RNF4: variants seen among roughly 807,000 people sequenced by gnomAD.
The protein encoded by RNF4 is E3 ubiquitin-protein ligase RNF4.
A neutral mutation model predicts 24.3 loss-of-function variants in RNF4; 7 were observed. The ratio of observed to expected loss-of-function variants is 0.29; its 90% CI spans 0.16 to 0.54. The LOEUF is 0.54. RNF4 is among the 20% of genes least tolerant of loss of function. The probability of loss-of-function intolerance (pLI) is 0.95; values close to 1 mark genes in which losing one functional copy is unlikely to be tolerated. For missense variants in RNF4, 209 were observed against 248.5 expected (o/e 0.84, Z 1.07); for synonymous variants, 83 against 84.3 (o/e 0.98, Z 0.09).
intron 1 of RNF4, among the ~76,000 whole-genome samples, chr4:2,483,124 G>A (rs1735292822): frequency 1.3e-5 from 2 of 152,160 alleles, no homozygotes; most frequent in South Asian, 4.1e-4. Context: ...TTCCAGCTAG[G>A]ATATATGCTC....
intron 3 of RNF4, among the ~76,000 whole-genome samples, chr4:2,497,584 C>T (rs953810511): frequency 2.0e-5 from 3 of 152,142 alleles, no homozygotes; most frequent in Non-Finnish European, 2.9e-5. Flanking sequence ...AGTCCCTTTG[C>T]TCTGCATATA....
At position 2,512,933 on chromosome 4, in the gene RNF4, T is replaced by G. The variant is rs1195955259; in HGVS notation, c.375-150T>G. On this transcript the variant is annotated intron_variant, in intron 6 of 7. Coordinates refer to ENST00000314289, the MANE Select transcript of RNF4 (RefSeq NM_002938.5). This position sits in a 1 kb window ranked among gnomAD's most constrained non-coding sequence, Gnocchi z 4.1. Reference sequence around the variant, plus strand: ...CCCACATGCCCTTGGGGCAGTTGGCTTTCCTGAAAGTCTCTCGGATGCCCG... The same window carrying G: ...CCCACATGCCCTTGGGGCAGTTGGCGTTCCTGAAAGTCTCTCGGATGCCCG... The G allele has an allele frequency of 5.0e-6, 4 of 804,724 alleles. No homozygotes were observed. The highest frequency in any genetic ancestry group is 8.3e-6 in the Non-Finnish European group (4 of 482,416). 49.8% of individuals were successfully genotyped at this position (804,724 alleles called of 1,614,324 possible). A position where few individuals can be genotyped will look rare whatever the true frequency, so the allele number is the denominator to read the frequency against.
chr4:2,497,694 G>C (rs1364548792), intron 3 of RNF4, among the ~76,000 whole-genome samples: 2 of 152,140 alleles, frequency 1.3e-5, no homozygotes, highest in African/African-American at 4.8e-5. Flanking sequence ...GAGTGTAGTG[G>C]TGCAGTCTCG....
intron 2 of RNF4, among the ~76,000 whole-genome samples, chr4:2,495,435 C>G (rs921178136): frequency 6.6e-6 from 1 of 152,174 alleles, no homozygotes; most frequent in Non-Finnish European, 1.5e-5. Context: ...CGTCTCTGCG[C>G]AGTACTTTAC....
Position 2,512,890 on chromosome 4 carries a change from C to T in RNF4, c.375-193C>T, listed in dbSNP as rs966562597. Among the ~76,000 whole-genome samples the T allele has an allele frequency of 7.2e-5, 11 of 152,148 alleles. No individual in the cohort carries two copies. Among genetic ancestry groups the T allele is most frequent in the Admixed American group, 4.6e-4 (7 of 15,270 alleles). ...GGCAGGGTGACTCAGGTTGTGTGCA[C>T]CTTCTCATGTTCACCCTCCCACATG... is the stretch of plus-strand genomic sequence containing the variant. On this transcript the variant is annotated intron_variant, in intron 6 of 7. Coordinates refer to ENST00000314289, the MANE Select transcript of RNF4 (RefSeq NM_002938.5). The surrounding 1 kb of genome is among the most constrained non-coding windows in gnomAD (Gnocchi z 4.1).
In RNF4 at chr4:2,494,110, T is replaced by A. The variant is rs114568474; in HGVS notation, c.10-2897T>A. ...CGAGAATGGGGTAAATATTAAAGAG[T>A]CCTAAGTGTTTGAAATGCTTGTTTT... On this transcript the variant is annotated intron_variant, in intron 2 of 7. Coordinates refer to ENST00000314289, the MANE Select transcript of RNF4 (RefSeq NM_002938.5). Among the ~76,000 whole-genome samples, 1,143 of 152,044 alleles carry A rather than the reference T, an allele frequency of 7.5e-3. 18 individuals are homozygous for A. The highest frequency in any genetic ancestry group is 0.026 in the African/African-American group (1,083 of 41,454).
At chr4:2,510,122 G>A (rs146099404) in intron 4 of RNF4, among the ~76,000 whole-genome samples, 34 of 152,318 alleles carry the variant, frequency 2.2e-4, no homozygotes, top group African/African-American at 7.9e-4. Context: ...CTCCACGTAT[G>A]TGGATTATAT....
At chr4:2,513,542 C>G in intron 7 of RNF4, 128 bp from the exon 8 acceptor site, 1 of 1,087,586 alleles carries the variant, frequency 9.2e-7, no homozygotes, top group Non-Finnish European at 1.3e-6. Context: ...AGACCCCTCC[C>G]TGTTGTAGCC....
chr4:2,490,926 A>C (rs1487092514), intron 2 of RNF4: 1 of 157,636 alleles, frequency 6.3e-6, no homozygotes, highest in Non-Finnish European at 1.4e-5. Flanking sequence ...CCATCTCTAC[A>C]AACAAACAAA....
At chr4:2,505,415 T>C (rs1284430444) in intron 4 of RNF4, 2 of 151,230 alleles carry the variant, frequency 1.3e-5, no homozygotes, top group Non-Finnish European at 2.9e-5. Context: ...CAGCTCCGCC[T>C]CCTGGGTTCA....
intron 2 of RNF4, among the ~76,000 whole-genome samples, chr4:2,495,643 G>GA (rs1560408021): frequency 6.9e-6 from 1 of 145,382 alleles, no homozygotes; most frequent in African/African-American, 2.5e-5. Context: ...TTTTTTTGGG[G>GA]GGGGGTGAGA....
chr4:2,482,876 C>G (rs893634552), intron 1 of RNF4, among the ~76,000 whole-genome samples: 14 of 152,178 alleles, frequency 9.2e-5, no homozygotes, highest in Admixed American at 3.9e-4. Context: ...TGCCGGCTTT[C>G]TTCAACCTCC....
rs1319729333 is a variant in RNF4, at chr4:2,512,512, G to A, written c.289G>A (p.Asp97Asn). 12 of 1,613,888 alleles carry A rather than the reference G, an allele frequency of 7.4e-6. No individual in the cohort carries two copies. Among genetic ancestry groups the A allele is most frequent in the East Asian group, 2.2e-5 (1 of 44,876 alleles). The change falls in exon 6 of 8, where the codon GAT (aspartate) becomes AAT (asparagine). Residue 97 changes from aspartate (D) to asparagine (N), a missense_variant. Asp to Asn is a conservative substitution (Grantham distance 23). This residue lies in a region of RNF4 where 182 missense variants were observed against 197.2 expected (regional missense o/e 0.92). Coordinates refer to ENST00000314289, the MANE Select transcript of RNF4 (RefSeq NM_002938.5). The surrounding 1 kb of genome is among the most constrained non-coding windows in gnomAD (Gnocchi z 4.1). Reference sequence around the variant, plus strand: ...TGACAGCTGTGTGGTGAGCAGTGACGATGAGGAGTTGTCCAGGGACAGAGA... The same window carrying A: ...TGACAGCTGTGTGGTGAGCAGTGACAATGAGGAGTTGTCCAGGGACAGAGA... ...HADSCVVSSD[D>N]EELSRDRDVY...
At chr4:2,508,633 G>T (rs1370492454) in intron 4 of RNF4, among the ~76,000 whole-genome samples, 1 of 151,928 alleles carries the variant, frequency 6.6e-6, no homozygotes, top group Non-Finnish European at 1.5e-5. Context: ...TTTTTGAGAC[G>T]GAATTTCACT....
chr4:2,503,063 A>C (rs1735965100), intron 4 of RNF4, among the ~76,000 whole-genome samples: 1 of 152,078 alleles, frequency 6.6e-6, no homozygotes, highest in Admixed American at 6.6e-5. Flanking sequence ...TTTTGTAGAG[A>C]CAGGGTCTCA....
chr4:2,502,065 T>C (rs755751728), intron 4 of RNF4, among the ~76,000 whole-genome samples: 5 of 152,240 alleles, frequency 3.3e-5, no homozygotes, highest in Non-Finnish European at 5.9e-5. Flanking sequence ...CATGGAGTTC[T>C]GGAAAGATAA....
chr4:2,471,794 ACT>A (rs1277704203), intron 1 of RNF4, among the ~76,000 whole-genome samples: 1 of 152,208 alleles, frequency 6.6e-6, no homozygotes, highest in Non-Finnish European at 1.5e-5. Context: ...CAAGGTACTA[ACT>A]CTCTTCAATT....
At chr4:2,489,395 C>T (rs1005220043) in intron 1 of RNF4, among the ~76,000 whole-genome samples, 3 of 152,152 alleles carry the variant, frequency 2.0e-5, no homozygotes, top group Non-Finnish European at 1.5e-5. Flanking sequence ...CTGTCGTTTC[C>T]GCCACCTGGA....
chr4:2,469,892 C>A (rs1160824326), intron 1 of RNF4: 1 of 152,298 alleles, frequency 6.6e-6, no homozygotes, highest in East Asian at 1.9e-4. Context: ...CAGCCCTGCA[C>A]CGCTCGGGCC....
Sources: gnomAD v4.1 joint callset for allele counts (sites outside exome capture counted in the v4.1 genomes callset) on GRCh38, gnomAD v4.1.1 for gene constraint, gnomAD v4.1.1 regional missense constraint, Gnocchi (gnomAD v3.1) non-coding constraint, MANE v1.5 for transcripts, NCBI Gene and HGNC (gene_info 2026-07-23, HGNC 2026-07-21) for gene names.